The following SLC9A9 variants were observed in gnomAD, a reference collection of about 807,000 sequenced individuals.
SLC9A9 encodes the protein sodium/hydrogen exchanger 9.
In SLC9A9, 62 loss-of-function variants were observed where a neutral mutation model predicts 77.8. The ratio of observed to expected loss-of-function variants is 0.80; its 90% CI spans 0.65 to 0.98. The LOEUF is 0.98. Ranked by LOEUF, SLC9A9 falls within the 50% of genes least tolerant of loss-of-function variation. The probability of loss-of-function intolerance (pLI) is 0.00; values close to 1 mark genes in which losing one functional copy is unlikely to be tolerated. For missense variants in SLC9A9, 775 were observed against 774.9 expected, an observed-to-expected ratio of 1.00 and a Z score of 0.00; for synonymous variants, 320 against 283.5, an observed-to-expected ratio of 1.13 and a Z score of -1.29.
intron 3 of SLC9A9, among the ~76,000 whole-genome samples, chr3:143,796,424 A>G (rs564070556): frequency 6.6e-6 from 1 of 152,232 alleles, no homozygotes; most frequent in Non-Finnish European, 1.5e-5. Flanking sequence ...TTTTTAAAAG[A>G]TGAAATAGGT....
At chr3:143,395,301 A>G (rs546296794) in intron 12 of SLC9A9, among the ~76,000 whole-genome samples, 80 of 152,320 alleles carry the variant, frequency 5.3e-4, no homozygotes, top group Non-Finnish European at 9.7e-4. Flanking sequence ...CCACACATCT[A>G]TAGCCATCTG....
In SLC9A9 at chr3:143,389,605, G is replaced by A. The variant is rs1226770807; in HGVS notation, c.1470-7491C>T. ...ACTCAGGGTCAGTAAGATCAGATCT[G>A]AGCACTTCTATTGTGAGAGAAGCAA... On this transcript the variant is annotated intron_variant, in intron 12 of 15. Transcript: ENST00000316549. Among the ~76,000 whole-genome samples, 3 of 152,212 alleles carry A rather than the reference G, an allele frequency of 2.0e-5. No individual in the cohort carries two copies. In the East Asian group the frequency reaches 5.8e-4, roughly 29 times the overall value.
intron 12 of SLC9A9, among the ~76,000 whole-genome samples, chr3:143,422,335 C>T (rs1308765927): frequency 6.6e-6 from 1 of 152,172 alleles, no homozygotes; most frequent in African/African-American, 2.4e-5. Context: ...AGAGCAAAGA[C>T]ATGGAATCAA....
intron 12 of SLC9A9, among the ~76,000 whole-genome samples, chr3:143,403,727 GATGA>G (rs1490564191): frequency 6.6e-6 from 1 of 152,142 alleles, no homozygotes; most frequent in Non-Finnish European, 1.5e-5. Context: ...TCTTGTGTGT[GATGA>G]ATAACTTCTC....
intron 12 of SLC9A9, among the ~76,000 whole-genome samples, chr3:143,443,444 A>T (rs2034786026): frequency 6.6e-6 from 1 of 151,994 alleles, no homozygotes; most frequent in Non-Finnish European, 1.5e-5. Context: ...TACTGTTTTA[A>T]TGTGCTGCTT....
intron 14 of SLC9A9, among the ~76,000 whole-genome samples, chr3:143,321,668 C>A (rs1002602517): frequency 2.0e-5 from 3 of 152,120 alleles, no homozygotes; most frequent in Non-Finnish European, 2.9e-5. Flanking sequence ...CAGTAAGGTC[C>A]AAAGAGTCAG....
At chr3:143,794,352 T>C (rs1464057212) in intron 4 of SLC9A9, among the ~76,000 whole-genome samples, 2 of 152,082 alleles carry the variant, frequency 1.3e-5, no homozygotes, top group Non-Finnish European at 2.9e-5. Context: ...GGAGCTTTAA[T>C]GTATTGGACG....
chr3:143,517,025 T>C (rs1224925708), intron 9 of SLC9A9: 7 of 731,976 alleles, frequency 9.6e-6, no homozygotes, highest in South Asian at 5.3e-5. Context: ...TTTCTGTTTA[T>C]TGAGTAATTG....
chr3:143,844,660 C>G lies in SLC9A9; in HGVS notation c.175+3488G>C, dbSNP rs563619219. Among the ~76,000 whole-genome samples the G allele has an allele frequency of 2.6e-5, 4 of 152,224 alleles. No homozygotes were observed. In the East Asian group the frequency reaches 7.7e-4, roughly 29 times the overall value. ...GGAGATGACTGTTACAGTCTACTCT[C>G]AAATGTTCACTTCCTTAAGAACAAG... is the stretch of plus-strand genomic sequence containing the variant. On this transcript the variant is annotated intron_variant, in intron 1 of 15. Coordinates refer to ENST00000316549, the MANE Select transcript of SLC9A9 (RefSeq NM_173653.4).
chr3:143,282,215 A>T (rs1486672824), intron 14 of SLC9A9, among the ~76,000 whole-genome samples: 1 of 152,000 alleles, frequency 6.6e-6, no homozygotes, highest in Non-Finnish European at 1.5e-5. Context: ...TCTTACCTTT[A>T]TTCATGGTGG....
At chr3:143,280,847 C>G (rs924846544) in intron 14 of SLC9A9, among the ~76,000 whole-genome samples, 1 of 152,206 alleles carries the variant, frequency 6.6e-6, no homozygotes, top group Non-Finnish European at 1.5e-5. Context: ...GCTACCGCGC[C>G]TAGCCAGAAA....
intron 4 of SLC9A9, among the ~76,000 whole-genome samples, chr3:143,753,951 C>G (rs1280516497): frequency 6.6e-6 from 1 of 152,132 alleles, no homozygotes; most frequent in Non-Finnish European, 1.5e-5. Context: ...GGGGACGGAC[C>G]AAAAATATGT....
At chr3:143,331,277 A>G (rs1389159167) in intron 14 of SLC9A9, among the ~76,000 whole-genome samples, 1 of 152,204 alleles carries the variant, frequency 6.6e-6, no homozygotes, top group East Asian at 1.9e-4. Flanking sequence ...CCTTGCCCAC[A>G]TGGGTAAGGA....
intron 5 of SLC9A9, among the ~76,000 whole-genome samples, chr3:143,677,057 G>T (rs1318207119): frequency 2.0e-5 from 3 of 152,156 alleles, no homozygotes; most frequent in African/African-American, 7.2e-5. Flanking sequence ...TATTACATGG[G>T]ACTGCACATG....
At chr3:143,730,826 CACT>C (rs1426970146) in intron 4 of SLC9A9, among the ~76,000 whole-genome samples, 3 of 151,632 alleles carry the variant, frequency 2.0e-5, no homozygotes, top group Non-Finnish European at 4.4e-5. Flanking sequence ...ACACCCACAC[CACT>C]ACTAAGTTTT....
intron 12 of SLC9A9, among the ~76,000 whole-genome samples, chr3:143,408,545 A>G (rs574656002): frequency 6.6e-6 from 1 of 152,362 alleles, no homozygotes; most frequent in South Asian, 2.1e-4. Flanking sequence ...TATTCAAGAA[A>G]TAACCTCAGG....
At chr3:143,348,580 A>G (rs1288789260) in intron 14 of SLC9A9, among the ~76,000 whole-genome samples, 1 of 152,338 alleles carries the variant, frequency 6.6e-6, no homozygotes, top group African/African-American at 2.4e-5. Context: ...ATATAAAACC[A>G]TGAGTGAATG....
Position 143,848,167 on chromosome 3 carries a change from A to G in SLC9A9, c.156T>C (p.Thr52=). The G allele has an allele frequency of 6.2e-7, 1 of 1,613,992 alleles. No individual in the cohort carries two copies. Among genetic ancestry groups the G allele is most frequent in the Non-Finnish European group, 8.5e-7 (1 of 1,179,874 alleles). Residue 52 remains threonine, a synonymous_variant, in exon 1 of 16, where the codon ACT becomes ACC. Coordinates refer to ENST00000316549, the MANE Select transcript of SLC9A9 (RefSeq NM_173653.4). The part of the protein sequence containing the change: ...KNHRFRFLHE[T]GGAMVYGLIM... Reference sequence around the variant, plus strand: ...ACTCACCATACACCATTGCTCCTCCAGTTTCATGCAAGAAGCGGAATCGAT... The same window carrying G: ...ACTCACCATACACCATTGCTCCTCCGGTTTCATGCAAGAAGCGGAATCGAT...
intron 6 of SLC9A9, among the ~76,000 whole-genome samples, chr3:143,594,865 A>AGGTT (rs1357670751): frequency 6.6e-6 from 1 of 152,198 alleles, no homozygotes; most frequent in Admixed American, 6.5e-5. Context: ...GCACAACAAA[A>AGGTT]TGTTTATGTT....
Sources: allele counts gnomAD v4.1 joint callset (sites outside exome capture counted in the v4.1 genomes callset), GRCh38; gene constraint gnomAD v4.1.1; transcripts MANE v1.5; gene names NCBI Gene and HGNC (gene_info 2026-07-23, HGNC 2026-07-21).